The following CLN3 variants were observed in gnomAD, a reference collection of about 807,000 sequenced individuals.
CLN3 encodes the protein CLN3 lysosomal/endosomal transmembrane protein, battenin, also known as battenin.
A neutral mutation model predicts 60.7 loss-of-function variants in CLN3; 49 were observed. The ratio of observed to expected loss-of-function variants is 0.81; its 90% CI spans 0.64 to 1.02. The LOEUF is 1.02. CLN3 is among the 50% of genes least tolerant of loss of function. CLN3 has a pLI of 0.00. For synonymous variants in CLN3, 256 were observed against 245.8 expected (o/e 1.04, Z -0.39); for missense variants, 516 against 557.4 (o/e 0.93, Z 0.75).
chr16:28,482,294 G>A (rs374019013), intron 13 of CLN3, 33 bp downstream of exon 13: 12 of 1,610,218 alleles, frequency 7.5e-6, no homozygotes, highest in East Asian at 4.5e-5. Flanking sequence ...TCACCACGGC[G>A]CCCTCCCAGC....
At chr16:28,484,183 T>G in intron 9 of CLN3, 65 bp from the exon 10 acceptor site, 3 of 1,191,270 alleles carry the variant, frequency 2.5e-6, no homozygotes, top group Non-Finnish European at 3.7e-6. Flanking sequence ...AGGGACCATC[T>G]AGGCCACTTT....
chr16:28,486,028 A>C (rs1160101311), intron 9 of CLN3, among the ~76,000 whole-genome samples: 8 of 150,302 alleles, frequency 5.3e-5, no homozygotes, highest in Admixed American at 6.6e-5. Flanking sequence ...GACAGAGTCT[A>C]ACTCTGTCGC....
Position 28,477,476 on chromosome 16 carries a change from C to A in CLN3, c.*40G>T, listed in dbSNP as rs748903907. 1 of 1,611,612 alleles carries A rather than the reference C, an allele frequency of 6.2e-7. No homozygotes were observed. On this transcript the variant is annotated 3_prime_UTR_variant, in exon 16 of 16. Coordinates refer to ENST00000636147, the MANE Select transcript of CLN3 (RefSeq NM_001042432.2). ...CTGGGTGTCTGACCTGTCCCTCTGC[C>A]CACAGGTGAATGTGACCTGCGTCCT...
intron 9 of CLN3, among the ~76,000 whole-genome samples, chr16:28,485,622 T>C (rs2046197862): frequency 7.3e-6 from 1 of 136,372 alleles, no homozygotes; most frequent in East Asian, 2.1e-4. Flanking sequence ...GGTTCAGGCC[T>C]GTTGCCCTGG....
rs372916691 is a variant in CLN3 at position 28,481,003 on chromosome 16, T to C, written c.1056+1102A>G. On this transcript the variant is annotated intron_variant, in intron 14 of 15. Coordinates refer to ENST00000636147, the MANE Select transcript of CLN3 (RefSeq NM_001042432.2). ...AATAAAAGAACTGTACATTTTCTTA[T>C]AGTTAGAAACATTATTTGAAAGCCT... 4.1e-4 allele frequency among the ~76,000 whole-genome samples: 63 copies of C among 152,336 alleles called. No individual in the cohort carries two copies. In the South Asian group the frequency reaches 8.3e-3, roughly 20 times the overall value.
downstream of CLN3, chr16:28,470,578 G>A: frequency 1.3e-5 from 1 of 79,808 alleles, no homozygotes; most frequent in Non-Finnish European, 2.1e-5. Context: ...AAGGGGAGGG[G>A]GAGGGGAAGG....
At chr16:28,479,195 T>C (rs535012146) in intron 14 of CLN3, among the ~76,000 whole-genome samples, 48 of 152,306 alleles carry the variant, frequency 3.2e-4, no homozygotes, top group Admixed American at 1.7e-3. Flanking sequence ...TATGTAAGAA[T>C]TGCCTGGGGA....
At chr16:28,491,398 A>T (rs144200787) in intron 3 of CLN3, 84 bp downstream of exon 3, 1 of 1,541,220 alleles carries the variant, frequency 6.5e-7, no homozygotes, top group Admixed American at 1.9e-5. Context: ...TCCTTTGCGC[A>T]GCTTAACTCT....
At chr16:28,474,497 C>A (rs1386054958), downstream of CLN3, among the ~76,000 whole-genome samples, 1 of 151,984 alleles carries the variant, frequency 6.6e-6, no homozygotes, top group African/African-American at 2.4e-5. Flanking sequence ...GCAGGAGAAT[C>A]ACTTGAACCG....
chr16:28,487,454 A>C lies in CLN3; in HGVS notation c.460+2T>G. On this transcript the variant is annotated splice_donor_variant, in intron 7 of 15. Transcript: ENST00000636147. LOFTEE classifies it high-confidence loss of function. ...CCATCTGACACAGAACCACACACTC[A>C]CCACACAGGCTGGTCCCCACAGAAT... The C allele has an allele frequency of 1.2e-6, 2 of 1,612,912 alleles. No homozygotes were observed. The highest frequency in any genetic ancestry group is 1.7e-6 in the Non-Finnish European group (2 of 1,179,054).
At chr16:28,491,412 T>TTCCCCCTTTCC in intron 3 of CLN3, 70 bp downstream of exon 3, 1 of 1,573,482 alleles carries the variant, frequency 6.4e-7, no homozygotes, top group East Asian at 2.3e-5. Flanking sequence ...TAACTCTTTC[T>TTCCCCCTTTCC]TCCCCCTTTC....
intron 14 of CLN3, among the ~76,000 whole-genome samples, chr16:28,478,386 T>C (rs566296283): frequency 6.8e-6 from 1 of 147,124 alleles, no homozygotes; most frequent in African/African-American, 2.5e-5. Context: ...GAGACCAAGG[T>C]GGGATGATCA....
intron 3 of CLN3, 148 bp downstream of exon 3, chr16:28,491,334 A>C: frequency 8.8e-7 from 1 of 1,136,926 alleles, no homozygotes; most frequent in Non-Finnish European, 1.3e-6. Context: ...TGGAAATTTT[A>C]CATGCTGCCC....
the CLN3 span, among the ~76,000 whole-genome samples, chr16:28,467,211 C>T: frequency 1.1e-5 from 1 of 90,420 alleles, no homozygotes; most frequent in Non-Finnish European, 2.4e-5. Flanking sequence ...CCACACATAA[C>T]ATACACTAAC....
chr16:28,481,602 C>T (rs2075454383), intron 14 of CLN3, among the ~76,000 whole-genome samples: 1 of 152,016 alleles, frequency 6.6e-6, no homozygotes, highest in Admixed American at 6.6e-5. Flanking sequence ...TGAGACCTGC[C>T]CTAAGTCACA....
In CLN3 at chr16:28,477,360, C is replaced by T; in HGVS notation, c.*156G>A. The stretch of plus-strand genomic sequence containing the variant: ...AAGTGGGAGACAATGGCTGGCCCCC[C>T]TGCAAGGGAAACAAGGCTTCAGCCC... On this transcript the variant is annotated 3_prime_UTR_variant, in exon 16 of 16. Coordinates refer to ENST00000636147, the MANE Select transcript of CLN3 (RefSeq NM_001042432.2). 1.0e-6 allele frequency: 1 copy of T among 980,146 alleles called. No individual in the cohort carries two copies. Among genetic ancestry groups the T allele is most frequent in the South Asian group, 1.4e-5 (1 of 72,454 alleles). 60.7% of individuals were successfully genotyped at this position (980,146 alleles called of 1,614,324 possible).
intron 9 of CLN3, chr16:28,484,342 C>G (rs1466017596): frequency 7.3e-6 from 4 of 551,464 alleles, no homozygotes; most frequent in Non-Finnish European, 1.3e-5. Flanking sequence ...ATTCATGGGC[C>G]TTCATTTTGT....
chr16:28,485,687 A>C (rs1196038946), intron 9 of CLN3, among the ~76,000 whole-genome samples: 1 of 148,156 alleles, frequency 6.7e-6, no homozygotes, highest in East Asian at 1.9e-4. Context: ...CACTGATTAA[A>C]AAAAAAAAAA....
downstream of CLN3, among the ~76,000 whole-genome samples, chr16:28,473,187 C>T (rs1449186622): frequency 2.0e-5 from 3 of 151,790 alleles, no homozygotes; most frequent in Non-Finnish European, 4.4e-5. Flanking sequence ...TCACTACAAC[C>T]TCCACCTCTC....
Sources: allele counts gnomAD v4.1 joint callset (sites outside exome capture counted in the v4.1 genomes callset), GRCh38; gene constraint gnomAD v4.1.1; transcripts MANE v1.5; gene names NCBI Gene and HGNC (gene_info 2026-07-23, HGNC 2026-07-21).